VPS9D1: variants seen among roughly 807,000 people sequenced by gnomAD.
VPS9D1 encodes the protein VPS9 domain-containing protein 1.
A neutral mutation model predicts 75.8 loss-of-function variants in VPS9D1; 78 were observed. The observed-to-expected ratio is 1.03, with a 90% CI of 0.86 to 1.24. The LOEUF (loss-of-function observed/expected upper bound fraction) is 1.24. VPS9D1 is among the 50% of genes most tolerant of loss of function. VPS9D1 has a pLI of 0.00. For missense variants in VPS9D1, 1,057 were observed against 847.7 expected, an observed-to-expected ratio of 1.25 and a Z score of -3.07; for synonymous variants, 481 against 385.6, an observed-to-expected ratio of 1.25 and a Z score of -2.90.
At chr16:89,710,491 G>C in intron 10 of VPS9D1, 95 bp downstream of exon 10, 1 of 1,371,054 alleles carries the variant, frequency 7.3e-7, no homozygotes, top group South Asian at 1.4e-5. Flanking sequence ...CAGAGTCTCT[G>C]ATCAACAGAC....
chr16:89,711,881 C>T lies in VPS9D1; in HGVS notation c.747+1G>A, dbSNP rs761010942. On this transcript the variant is annotated splice_donor_variant, in intron 8 of 14. Coordinates refer to ENST00000389386, the MANE Select transcript of VPS9D1 (RefSeq NM_004913.3). LOFTEE classifies it high-confidence loss of function. ...AAAGCCTGGGCCCGTGGGGGACGCA[C>T]ATGGTCCTGTTCGTACTCCAGGATG... 2.6e-6 allele frequency: 4 copies of T among 1,550,590 alleles called. No homozygotes were observed. In the South Asian group the frequency reaches 4.8e-5, roughly 18 times the overall value.
At position 89,712,732 on chromosome 16, in the gene VPS9D1, G is replaced by T; in HGVS notation, c.432-16C>A. On this transcript the variant is annotated splice_polypyrimidine_tract_variant and intron_variant, in intron 4 of 14. Transcript: ENST00000389386. ...CGTCAGCTCTCTGGAAATGTGACAA[G>T]CTGCTGTCTAGACCCCAGGAAGCCC... The T allele has an allele frequency of 7.8e-7, 1 of 1,274,560 alleles. No individual in the cohort carries two copies. Among genetic ancestry groups the T allele is most frequent in the South Asian group, 1.5e-5 (1 of 68,682 alleles). 79.0% of individuals were successfully genotyped at this position (1,274,560 alleles called of 1,614,324 possible). A position where few individuals can be genotyped will look rare whatever the true frequency, so the allele number is the denominator to read the frequency against.
In VPS9D1 at chr16:89,711,719, G is replaced by GCCCCGC. The variant is rs1329684136; in HGVS notation, c.747+157_747+162dup. 4 of 896,376 alleles carry GCCCCGC rather than the reference G, an allele frequency of 4.5e-6. No homozygotes were observed. In the African/African-American group the frequency reaches 6.9e-5, roughly 15 times the overall value. The allele number at this position is 896,376 out of a possible 1,614,324, so 55.5% of individuals were successfully genotyped here. A position where few individuals can be genotyped will look rare whatever the true frequency, so the allele number is the denominator to read the frequency against. On this transcript the variant is annotated intron_variant, in intron 8 of 14. Coordinates refer to ENST00000389386, the MANE Select transcript of VPS9D1 (RefSeq NM_004913.3). ...CTCTGCCCCGCCCCACGCAGCCCTGGCCCCGCCCCCTCACCGGGCCCTCCC... is the reference window on the plus strand; with the variant it reads ...CTCTGCCCCGCCCCACGCAGCCCTGGCCCCGCCCCCGCCCCCTCACCGGGCCCTCCC...
intron 14 of VPS9D1, 38 bp from the exon 15 acceptor site, chr16:89,707,992 G>C: frequency 6.3e-7 from 1 of 1,588,826 alleles, no homozygotes. Flanking sequence ...TCATCTGAAC[G>C]AACAGAAGGA....
chr16:89,717,321 C>T (rs1474647572), intron 2 of VPS9D1: 3 of 349,964 alleles, frequency 8.6e-6, no homozygotes, highest in East Asian at 1.5e-4. Flanking sequence ...TTAGTGCTCA[C>T]TCAGCTTCAC....
chr16:89,707,812 C>T lies in VPS9D1; in HGVS notation c.*49G>A, dbSNP rs753668997. ...ATGGCTCCAGGTGTAGGAGAGACAG[C>T]CCTGGGAGGCGAGGCCAGGCCCTGC... On this transcript the variant is annotated 3_prime_UTR_variant, in exon 15 of 15. Transcript: ENST00000389386. 10 of 1,558,360 alleles carry T rather than the reference C, an allele frequency of 6.4e-6. No homozygotes were observed. Among genetic ancestry groups the T allele is most frequent in the South Asian group, 1.1e-5 (1 of 89,544 alleles).
chr16:89,716,998 G>C, intron 2 of VPS9D1, 176 bp from the exon 3 acceptor site: 1 of 370,820 alleles, frequency 2.7e-6, no homozygotes, highest in South Asian at 2.9e-5. Flanking sequence ...CAAGCCCACT[G>C]CCCCCCCATC....
At chr16:89,716,977 C>G (rs1485892438) in intron 2 of VPS9D1, 155 bp from the exon 3 acceptor site, 31 of 589,160 alleles carry the variant, frequency 5.3e-5, no homozygotes, top group Non-Finnish European at 7.7e-5. Flanking sequence ...CATCCCCTCA[C>G]TGACCCTGGG....
rs2061245185 is a variant in VPS9D1, at chr16:89,720,835, C to T, written c.27G>A (p.Thr9=). The T allele has an allele frequency of 1.4e-6, 2 of 1,436,976 alleles. No homozygotes were observed. Among genetic ancestry groups the T allele is most frequent in the Non-Finnish European group, 1.8e-6 (2 of 1,089,614 alleles). 89.0% of individuals were successfully genotyped at this position (1,436,976 alleles called of 1,614,324 possible). A position where few individuals can be genotyped will look rare whatever the true frequency, so the allele number is the denominator to read the frequency against. MAAAAGDG[T]VKPLQSAMKL... is the part of the protein sequence containing the mutation. ...TCATGGCGCTCTGCAGCGGCTTCACCGTGCCGTCCCCGGCCGCAGCGGCCA... is the reference window on the plus strand; with the variant it reads ...TCATGGCGCTCTGCAGCGGCTTCACTGTGCCGTCCCCGGCCGCAGCGGCCA... Residue 9 remains threonine, a synonymous_variant, in exon 1 of 15, where the codon ACG becomes ACA. Coordinates refer to ENST00000389386, the MANE Select transcript of VPS9D1 (RefSeq NM_004913.3).
At chr16:89,718,926 G>T in intron 2 of VPS9D1, 101 bp downstream of exon 2, 2 of 978,630 alleles carry the variant, frequency 2.0e-6, no homozygotes, top group Non-Finnish European at 1.6e-6. Context: ...TGTTAGCCAG[G>T]ATGGTTTCGA....
At chr16:89,716,942 AC>A in intron 2 of VPS9D1, 120 bp from the exon 3 acceptor site, 1 of 781,952 alleles carries the variant, frequency 1.3e-6, no homozygotes, top group Non-Finnish European at 1.7e-6. Flanking sequence ...ACCCCCACTG[AC>A]CCCGGGCAAG....
intron 2 of VPS9D1, 22 bp downstream of exon 2, chr16:89,719,005 C>T (rs761896946): frequency 2.1e-5 from 33 of 1,607,458 alleles, no homozygotes; most frequent in African/African-American, 2.7e-5. Context: ...TGAGCCACCG[C>T]GCCCGGCTGG....
At chr16:89,713,904 A>G (rs966564533) in intron 4 of VPS9D1, among the ~76,000 whole-genome samples, 1 of 152,058 alleles carries the variant, frequency 6.6e-6, no homozygotes, top group Non-Finnish European at 1.5e-5. Flanking sequence ...CCTGGGTGAT[A>G]GAGACTCTGT....
Position 89,709,917 on chromosome 16 carries a change from C to A in VPS9D1, c.1259-11G>T. The A allele has an allele frequency of 6.3e-7, 1 of 1,598,192 alleles. No individual in the cohort carries two copies. The highest frequency in any genetic ancestry group is 8.5e-7 in the Non-Finnish European group (1 of 1,171,734). On this transcript the variant is annotated splice_polypyrimidine_tract_variant and intron_variant, in intron 10 of 14. Coordinates refer to ENST00000389386, the MANE Select transcript of VPS9D1 (RefSeq NM_004913.3). ...GCGAGAGCAGCCTGTCTGCTAGGAACAGAGCCGGGGACGTCCACAGAGGCT... is the reference window on the plus strand; with the variant it reads ...GCGAGAGCAGCCTGTCTGCTAGGAAAAGAGCCGGGGACGTCCACAGAGGCT...
At chr16:89,711,232 CTG>C in intron 9 of VPS9D1, 93 bp downstream of exon 9, 2 of 1,387,568 alleles carry the variant, frequency 1.4e-6, no homozygotes, top group Non-Finnish European at 2.0e-6. Flanking sequence ...CACAGGCTCC[CTG>C]TGTCAGTCCA....
intron 12 of VPS9D1, 82 bp from the exon 13 acceptor site, chr16:89,709,038 C>T (rs2060855905): frequency 6.9e-7 from 1 of 1,443,910 alleles, no homozygotes; most frequent in Non-Finnish European, 9.4e-7. Context: ...CACCCACCCA[C>T]CTCCTGATGT....
chr16:89,719,063 A>T lies in VPS9D1; in HGVS notation c.139T>A (p.Ser47Thr), dbSNP rs1342085646. 2 of 1,613,470 alleles carry T rather than the reference A, an allele frequency of 1.2e-6. No homozygotes were observed. Among genetic ancestry groups the T allele is most frequent in the East Asian group, 4.5e-5 (2 of 44,876 alleles). ...TCCACTTCTTCTAGTAACACCTGGG[A>T]GATATAGTGGATGCTCCTCAGGTAT... is the stretch of plus-strand genomic sequence containing the variant. ...TEYLRSIHYI[S>T]QVLLEEVETT... Residue 47 changes from serine to threonine, a missense_variant, in exon 2 of 15, where the codon TCC becomes ACC. Physicochemically the swap from Ser to Thr is moderately conservative, Grantham distance 58 (BLOSUM62 1). Transcript: ENST00000389386.
At position 89,712,493 on chromosome 16, in the gene VPS9D1, C is replaced by G. The variant is rs769965091; in HGVS notation, c.573G>C (p.Glu191Asp). 3.1e-6 allele frequency: 5 copies of G among 1,613,312 alleles called. No individual in the cohort carries two copies. The highest frequency in any genetic ancestry group is 4.2e-6 in the Non-Finnish European group (5 of 1,180,000). ...CCCGGGCTTTGGCAATCACTAGGTT[C>G]TCCATCATCTGCCGCTGTAGAGAGA... ...LTLSLQRQMM[E>D]NLVIAKAREE... Residue 191 changes from glutamate to aspartate, a missense_variant, in exon 6 of 15, where the codon GAG (glutamate) becomes GAC (aspartate). Transcript: ENST00000389386.
chr16:89,717,585 A>T (rs1341706027), intron 2 of VPS9D1: 3 of 455,718 alleles, frequency 6.6e-6, no homozygotes, highest in South Asian at 4.7e-5. Flanking sequence ...TTCACAGAAA[A>T]CTTCTCATAG....
Sources: allele counts gnomAD v4.1 joint callset (sites outside exome capture counted in the v4.1 genomes callset), GRCh38; gene constraint gnomAD v4.1.1; transcripts MANE v1.5; gene names NCBI Gene and HGNC (gene_info 2026-07-23, HGNC 2026-07-21).